ANP32B: variants seen among roughly 807,000 people sequenced by gnomAD.
The protein encoded by ANP32B is acidic leucine-rich nuclear phosphoprotein 32 family member B.
Under a neutral mutation model 32.2 loss-of-function variants are expected in ANP32B, and 6 were observed. The ratio of observed to expected loss-of-function variants is 0.19; its 90% CI spans 0.10 to 0.37. The LOEUF (loss-of-function observed/expected upper bound fraction) is 0.37. Ranked by LOEUF, ANP32B falls within the 10% of genes least tolerant of loss-of-function variation. ANP32B has a pLI of 1.00. For missense variants in ANP32B, 204 were observed against 289.2 expected (o/e 0.71, Z 2.14); for synonymous variants, 98 against 105.8 (o/e 0.93, Z 0.45).
intron 4 of ANP32B, 133 bp from the exon 5 acceptor site, chr9:98,011,138 A>G (rs1028211585): frequency 4.7e-5 from 62 of 1,318,690 alleles, no homozygotes; most frequent in Non-Finnish European, 6.0e-5. Flanking sequence ...GCTGTAGCAC[A>G]TAGTAGAAAG....
intron 2 of ANP32B, among the ~76,000 whole-genome samples, chr9:97,997,351 CTG>C (rs1025335994): frequency 6.6e-6 from 1 of 152,068 alleles, no homozygotes; most frequent in African/African-American, 2.4e-5. Context: ...GTTTTTTTAA[CTG>C]TTTTTCAGCA....
rs542861428 is a variant in ANP32B, at chr9:98,013,842, C to G, written c.688+1370C>G. Among the ~76,000 whole-genome samples, 302 of 151,344 alleles carry G rather than the reference C, an allele frequency of 2.0e-3. 1 individual carries two copies. The highest frequency in any genetic ancestry group is 6.8e-3 in the African/African-American group (280 of 41,196). ...CTGCACTGCAGCCTGGACAACAGAG[C>G]AAGACTCTGTCTCAAAAAAAAAAAA... On this transcript the variant is annotated intron_variant, in intron 6 of 6. Transcript: ENST00000339399.
At chr9:97,997,588 A>C (rs1827926075) in intron 2 of ANP32B, among the ~76,000 whole-genome samples, 1 of 152,204 alleles carries the variant, frequency 6.6e-6, no homozygotes, top group Non-Finnish European at 1.5e-5. Context: ...TGTAAACAGG[A>C]GTGGTAATTC....
intron 1 of ANP32B, 132 bp downstream of exon 1, chr9:97,983,741 A>ATGGC: frequency 1.5e-6 from 1 of 648,910 alleles, no homozygotes; most frequent in African/African-American, 1.9e-5. Flanking sequence ...TCGGACGGGG[A>ATGGC]AGGCGGGCGG....
Position 97,987,055 on chromosome 9 carries a change from A to C in ANP32B, c.54+3446A>C, listed in dbSNP as rs909844854. Among the ~76,000 whole-genome samples the C allele has an allele frequency of 2.6e-5, 4 of 152,118 alleles. No individual in the cohort carries two copies. The South Asian group carries it at 8.3e-4, about 32-fold the overall frequency. On this transcript the variant is annotated intron_variant, in intron 1 of 6. Coordinates refer to ENST00000339399, the MANE Select transcript of ANP32B (RefSeq NM_006401.3). Reference sequence around the variant, plus strand: ...TTCTGACCAAGGAAGACAAGAAGGTAAACACAAAAGTGTTACTAGGGTCTT... The same window carrying C: ...TTCTGACCAAGGAAGACAAGAAGGTCAACACAAAAGTGTTACTAGGGTCTT...
At chr9:97,987,071 C>T (rs1408990225) in intron 1 of ANP32B, among the ~76,000 whole-genome samples, 1 of 152,100 alleles carries the variant, frequency 6.6e-6, no homozygotes, top group African/African-American at 2.4e-5. Flanking sequence ...AAAAGTGTTA[C>T]TAGGGTCTTC....
intron 1 of ANP32B, among the ~76,000 whole-genome samples, 199 bp from the exon 2 acceptor site, chr9:97,994,432 C>T (rs1032760158): frequency 6.6e-6 from 1 of 152,152 alleles, no homozygotes. Flanking sequence ...GAATAATATT[C>T]CATCTTTGAA....
At chr9:98,010,236 C>A (rs746404077) in intron 4 of ANP32B, among the ~76,000 whole-genome samples, 1 of 149,866 alleles carries the variant, frequency 6.7e-6, no homozygotes. Flanking sequence ...AGGTTCCTAC[C>A]CTCTTGGACC....
At chr9:98,012,613 C>T (rs753987311) in intron 6 of ANP32B, 141 bp downstream of exon 6, 121 of 1,296,388 alleles carry the variant, frequency 9.3e-5, no homozygotes, top group Non-Finnish European at 1.2e-4. Context: ...TCGTTTCTAT[C>T]GTCCCATCAG....
At chr9:97,985,443 G>C (rs1827709904) in intron 1 of ANP32B, among the ~76,000 whole-genome samples, 1 of 152,204 alleles carries the variant, frequency 6.6e-6, no homozygotes, top group Admixed American at 6.5e-5. Context: ...CCTTCCGTCA[G>C]ACATTTTGTG....
At chr9:98,010,493 A>C (rs936315027) in intron 4 of ANP32B, among the ~76,000 whole-genome samples, 1 of 152,162 alleles carries the variant, frequency 6.6e-6, no homozygotes, top group Non-Finnish European at 1.5e-5. Flanking sequence ...ATGGAGAAGC[A>C]CCACATACTC....
intron 2 of ANP32B, among the ~76,000 whole-genome samples, chr9:97,995,458 A>C (rs945864975): frequency 6.6e-6 from 1 of 152,246 alleles, no homozygotes; most frequent in Admixed American, 6.5e-5. Flanking sequence ...TAGGAAAGTT[A>C]AGTTGTACCT....
chr9:98,012,669 C>G (rs1828206359), intron 6 of ANP32B, among the ~76,000 whole-genome samples, 197 bp downstream of exon 6: 1 of 152,174 alleles, frequency 6.6e-6, no homozygotes, highest in Non-Finnish European at 1.5e-5. Flanking sequence ...GCAGTTATTC[C>G]TGTCTCATGG....
In ANP32B at chr9:97,983,460, C is replaced by T. The variant is rs1217281551; in HGVS notation, c.-96C>T. 1 of 1,187,098 alleles carries T rather than the reference C, an allele frequency of 8.4e-7. No individual in the cohort carries two copies. Among genetic ancestry groups the T allele is most frequent in the Admixed American group, 2.1e-5 (1 of 47,252 alleles). The allele number at this position is 1,187,098 out of a possible 1,614,324, so 73.5% of individuals were successfully genotyped here. On this transcript the variant is annotated 5_prime_UTR_variant, in exon 1 of 7. Coordinates refer to ENST00000339399, the MANE Select transcript of ANP32B (RefSeq NM_006401.3). ...GCCGCCGGCCTCCGCCGCTAGCAAA[C>T]CCTTCCGACGGCCCTCGCTGCGCAA...
In ANP32B at chr9:97,997,206, A is replaced by G. The variant is rs558466818; in HGVS notation, c.205-1350A>G. On this transcript the variant is annotated intron_variant, in intron 2 of 6. Coordinates refer to ENST00000339399, the MANE Select transcript of ANP32B (RefSeq NM_006401.3). ...ACCAATAAAGCTAACACTTGACTCT[A>G]TTGATTATGGGCTTATGTTTTTAAA... Among the ~76,000 whole-genome samples the G allele has an allele frequency of 3.2e-4, 48 of 152,306 alleles. 1 individual carries two copies. Among genetic ancestry groups the G allele is most frequent in the African/African-American group, 1.1e-3 (47 of 41,570 alleles).
intron 1 of ANP32B, among the ~76,000 whole-genome samples, chr9:97,988,172 G>T (rs1288962409): frequency 6.6e-6 from 1 of 151,754 alleles, no homozygotes; most frequent in Non-Finnish European, 1.5e-5. Context: ...ACATCTTTGT[G>T]TGTGTCCTTA....
intron 4 of ANP32B, among the ~76,000 whole-genome samples, chr9:98,006,423 C>A (rs1003032375): frequency 6.6e-6 from 1 of 150,900 alleles, no homozygotes; most frequent in Non-Finnish European, 1.5e-5. Flanking sequence ...TCCCGCACTG[C>A]GTATTTGTCT....
intron 1 of ANP32B, among the ~76,000 whole-genome samples, chr9:97,989,769 G>A (rs1302189021): frequency 6.6e-6 from 1 of 152,070 alleles, no homozygotes; most frequent in Non-Finnish European, 1.5e-5. Flanking sequence ...CTATACCCAG[G>A]AAGGAATGAA....
rs543119443 is a variant in ANP32B, at chr9:97,983,441, G to A, written c.-115G>A. On this transcript the variant is annotated 5_prime_UTR_variant, in exon 1 of 7. Coordinates refer to ENST00000339399, the MANE Select transcript of ANP32B (RefSeq NM_006401.3). The stretch of plus-strand genomic sequence containing the variant: ...GCCCGCCACCCAGGACCGCGCCGCC[G>A]GCCTCCGCCGCTAGCAAACCCTTCC... 2 of 969,670 alleles carry A rather than the reference G, an allele frequency of 2.1e-6. No homozygotes were observed. Among genetic ancestry groups the A allele is most frequent in the East Asian group, 3.0e-5 (1 of 33,708 alleles). 60.1% of individuals were successfully genotyped at this position (969,670 alleles called of 1,614,324 possible). A position where few individuals can be genotyped will look rare whatever the true frequency, so the allele number is the denominator to read the frequency against.
Sources: allele counts gnomAD v4.1 joint callset (sites outside exome capture counted in the v4.1 genomes callset), GRCh38; gene constraint gnomAD v4.1.1; transcripts MANE v1.5; gene names NCBI Gene and HGNC (gene_info 2026-07-23, HGNC 2026-07-21).